The following MRPL12 variants were observed in gnomAD, a reference collection of about 807,000 sequenced individuals.
MRPL12 encodes the protein large ribosomal subunit protein bL12m.
A neutral mutation model predicts 21.1 loss-of-function variants in MRPL12; 13 were observed. That is an observed-to-expected ratio of 0.62 (90% CI 0.40 to 0.98). The LOEUF is 0.98. Ranked by LOEUF, MRPL12 falls within the 50% of genes least tolerant of loss-of-function variation. The pLI is 0.00. For synonymous variants in MRPL12, 126 were observed against 115.3 expected (o/e 1.09, Z -0.60); for missense variants, 251 against 268.6 (o/e 0.93, Z 0.46).
chr17:81,707,468 CG>C lies in MRPL12; in HGVS notation c.*230del. The C allele has an allele frequency of 1.9e-6, 1 of 531,870 alleles. No individual in the cohort carries two copies. The highest frequency in any genetic ancestry group is 2.3e-5 in the South Asian group (1 of 44,366). The allele number at this position is 531,870 out of a possible 1,614,324, so 32.9% of individuals were successfully genotyped here. A position where few individuals can be genotyped will look rare whatever the true frequency, so the allele number is the denominator to read the frequency against. ...CCGGAGGCCCACCAGGACGCGCCACCGGTGAATGTGCCTCTGGTGGCTGCTG... is the reference window on the plus strand; with the variant it reads ...CCGGAGGCCCACCAGGACGCGCCACCGTGAATGTGCCTCTGGTGGCTGCTG... On this transcript the variant is annotated 3_prime_UTR_variant, in exon 5 of 5. Transcript: ENST00000333676.
intron 3 of MRPL12, among the ~76,000 whole-genome samples, chr17:81,705,115 T>G (rs2037300762): frequency 1.3e-5 from 2 of 151,348 alleles, no homozygotes; most frequent in African/African-American, 4.9e-5. Flanking sequence ...TGGTGGCACA[T>G]GCCTGTAATC....
rs772572711 is a variant in MRPL12 at position 81,704,385 on chromosome 17, C to T, written c.216C>T (p.Ala72=). ...PKIQQLVQDI[A]SLTLLEISDL... ...TACAGCAGCTGGTCCAGGACATCGC[C>T]AGCCTCACTCTCTTGGAAATCTCAG... The change falls in exon 2 of 5, where the codon GCC becomes GCT. Residue 72 remains alanine (A), a synonymous_variant. Transcript: ENST00000333676. 40 of 1,613,466 alleles carry T rather than the reference C, an allele frequency of 2.5e-5. No homozygotes were observed. The African/African-American group carries it at 4.9e-4, about 20-fold the overall frequency.
rs527534915 is a variant in MRPL12, at chr17:81,703,545, G to C, written c.44G>C (p.Gly15Ala). 2.7e-6 allele frequency: 4 copies of C among 1,468,082 alleles called. No individual in the cohort carries two copies. In the South Asian group the frequency reaches 5.2e-5, roughly 19 times the overall value. 90.9% of individuals were successfully genotyped at this position (1,468,082 alleles called of 1,614,324 possible). Reference sequence around the variant, plus strand: ...CGCCCCCTGTGGGGGCCTTGCCTTGGGCTTCGGGCCGCTGCGTTCCGCCTT... The same window carrying C: ...CGCCCCCTGTGGGGGCCTTGCCTTGCGCTTCGGGCCGCTGCGTTCCGCCTT... ...AARPLWGPCLGLRAAAFRLAR... is the reference protein window; with the variant it reads ...AARPLWGPCLALRAAAFRLAR... The change falls in exon 1 of 5, where the codon GGG (glycine) becomes GCG (alanine). Residue 15 changes from glycine (G) to alanine (A), a missense_variant. Transcript: ENST00000333676.
At chr17:81,704,493 C>T (rs2037292478) in intron 2 of MRPL12, 63 bp downstream of exon 2, 1 of 1,586,906 alleles carries the variant, frequency 6.3e-7, no homozygotes, top group Admixed American at 1.7e-5. Context: ...TGTTTTGTTC[C>T]TGGTGTATTT....
chr17:81,707,504 C>T lies in MRPL12; in HGVS notation c.*264C>T, dbSNP rs1320947333. The T allele has an allele frequency of 4.3e-6, 2 of 464,128 alleles. No homozygotes were observed. The highest frequency in any genetic ancestry group is 7.8e-6 in the Non-Finnish European group (2 of 256,060). 28.8% of individuals were successfully genotyped at this position (464,128 alleles called of 1,614,324 possible). ...CCTCTGGTGGCTGCTGAGAAAAATA[C>T]ACTGTGCAGCTCAGTGTGTGGAGTG... On this transcript the variant is annotated 3_prime_UTR_variant, in exon 5 of 5. Coordinates refer to ENST00000333676, the MANE Select transcript of MRPL12 (RefSeq NM_002949.4).
At chr17:81,704,534 T>G in intron 2 of MRPL12, 99 bp from the exon 3 acceptor site, 1 of 1,577,862 alleles carries the variant, frequency 6.3e-7, no homozygotes, top group Non-Finnish European at 8.7e-7. Flanking sequence ...AAAAGTGTGT[T>G]TGTCCAGGTG....
chr17:81,704,373 C>T lies in MRPL12; in HGVS notation c.204C>T (p.Val68=), dbSNP rs1227924116. Residue 68 remains valine, a synonymous_variant, in exon 2 of 5, where the codon GTC becomes GTT. Coordinates refer to ENST00000333676, the MANE Select transcript of MRPL12 (RefSeq NM_002949.4). ...ACCCCCCCAAGATACAGCAGCTGGTCCAGGACATCGCCAGCCTCACTCTCT... is the reference window on the plus strand; with the variant it reads ...ACCCCCCCAAGATACAGCAGCTGGTTCAGGACATCGCCAGCCTCACTCTCT... ...KEYPPKIQQL[V]QDIASLTLLE... is the part of the protein sequence containing the mutation. 5.6e-6 allele frequency: 9 copies of T among 1,613,610 alleles called. No homozygotes were observed. The highest frequency in any genetic ancestry group is 7.6e-6 in the Non-Finnish European group (9 of 1,179,930).
In MRPL12 at chr17:81,704,695, C is replaced by T. The variant is rs772184244; in HGVS notation, c.324C>T (p.Val108=). The change falls in exon 3 of 5, where the codon GTC becomes GTT. Residue 108 remains valine (V), a synonymous_variant. Transcript: ENST00000333676. Reference sequence around the variant, plus strand: ...TGGGTGGTGTGATGTCTGGGGCTGTCCCTGCTGCAGCAGCCCAGGAGGTGA... The same window carrying T: ...TGGGTGGTGTGATGTCTGGGGCTGTTCCTGCTGCAGCAGCCCAGGAGGTGA... ...VPMGGVMSGA[V]PAAAAQEAVE... The T allele has an allele frequency of 6.8e-6, 11 of 1,613,480 alleles. No individual in the cohort carries two copies. The highest frequency in any genetic ancestry group is 1.7e-4 in the Middle Eastern group (1 of 6,058).
At chr17:81,706,791 T>TG in intron 3 of MRPL12, 115 bp from the exon 4 acceptor site, 1 of 1,294,418 alleles carries the variant, frequency 7.7e-7, no homozygotes, top group Non-Finnish European at 1.1e-6. Flanking sequence ...CAGGCTTCGC[T>TG]GGGGCCTCCG....
At chr17:81,704,873 C>G (rs1470090991) in intron 3 of MRPL12, among the ~76,000 whole-genome samples, 157 bp downstream of exon 3, 2 of 152,228 alleles carry the variant, frequency 1.3e-5, no homozygotes, top group East Asian at 3.9e-4. Context: ...TACTCCCTGC[C>G]ACGGATGTGC....
At position 81,703,442 on chromosome 17, in the gene MRPL12, G is replaced by A. The variant is rs1434226586; in HGVS notation, c.-60G>A. The A allele has an allele frequency of 7.1e-7, 1 of 1,412,132 alleles. No homozygotes were observed. The highest frequency in any genetic ancestry group is 3.0e-5 in the East Asian group (1 of 33,180). The allele number at this position is 1,412,132 out of a possible 1,614,324, so 87.5% of individuals were successfully genotyped here. The stretch of plus-strand genomic sequence containing the variant: ...CCCAGCTCGAATGCCCGGCGGCCGA[G>A]GCGGCTAGAGCGTCGCCTCCTCCCG... On this transcript the variant is annotated 5_prime_UTR_variant, in exon 1 of 5. Transcript: ENST00000333676.
chr17:81,707,219 C>T lies in MRPL12; in HGVS notation c.576C>T (p.Gly192=), dbSNP rs144790349. 7.9e-4 allele frequency: 1,266 copies of T among 1,602,120 alleles called. No individual in the cohort carries two copies. Among genetic ancestry groups the T allele is most frequent in the Non-Finnish European group, 9.8e-4 (1,146 of 1,173,348 alleles). ...TCAAGGCGGCCCTGGAGGCGGTGGG[C>T]GGCACCGTGGTTCTGGAGTAGCCTC... ...EKIKAALEAV[G]GTVVLE The change falls in exon 5 of 5, where the codon GGC becomes GGT. Residue 192 remains glycine, a synonymous_variant. Transcript: ENST00000333676.
rs2037324801 is a variant in MRPL12, at chr17:81,707,299, C to T, written c.*59C>T. On this transcript the variant is annotated 3_prime_UTR_variant, in exon 5 of 5. Coordinates refer to ENST00000333676, the MANE Select transcript of MRPL12 (RefSeq NM_002949.4). The stretch of plus-strand genomic sequence containing the variant: ...TGGGCCCCGGGCGAGGTCCCGCCCT[C>T]CCGTGGTCACTGGCTCCGCCCCCAG... 1 of 1,462,242 alleles carries T rather than the reference C, an allele frequency of 6.8e-7. No individual in the cohort carries two copies. The highest frequency in any genetic ancestry group is 9.2e-7 in the Non-Finnish European group (1 of 1,086,932). 90.6% of individuals were successfully genotyped at this position (1,462,242 alleles called of 1,614,324 possible).
intron 2 of MRPL12, 48 bp from the exon 3 acceptor site, chr17:81,704,585 C>G (rs368045545): frequency 6.2e-7 from 1 of 1,603,480 alleles, no homozygotes; most frequent in African/African-American, 1.3e-5. Flanking sequence ...TCAGTAGGTT[C>G]CGGCTGGTGT....
At chr17:81,705,465 G>A (rs1384407177) in intron 3 of MRPL12, among the ~76,000 whole-genome samples, 1 of 151,968 alleles carries the variant, frequency 6.6e-6, no homozygotes, top group African/African-American at 2.4e-5. Context: ...AGCATTGTGG[G>A]GAAAAGGAGG....
chr17:81,704,838 C>T lies in MRPL12; in HGVS notation c.345+122C>T, dbSNP rs543395055. On this transcript the variant is annotated intron_variant, in intron 3 of 4. Coordinates refer to ENST00000333676, the MANE Select transcript of MRPL12 (RefSeq NM_002949.4). ...ATTGTCTGCAGCCTGCACACCTGTG[C>T]GGCATCCTGCAGCCTCCTGGGACCT... 6 of 832,388 alleles carry T rather than the reference C, an allele frequency of 7.2e-6. No homozygotes were observed. In the East Asian group the frequency reaches 7.7e-5, roughly 11 times the overall value. The allele number at this position is 832,388 out of a possible 1,614,324, so 51.6% of individuals were successfully genotyped here. A position where few individuals can be genotyped will look rare whatever the true frequency, so the allele number is the denominator to read the frequency against.
chr17:81,705,346 A>G (rs1345802093), intron 3 of MRPL12, among the ~76,000 whole-genome samples: 6 of 149,488 alleles, frequency 4.0e-5, no homozygotes, highest in Admixed American at 6.7e-5. Flanking sequence ...AGCCAAGATC[A>G]TACTACTGCC....
chr17:81,706,418 C>G (rs1196971583), intron 3 of MRPL12, among the ~76,000 whole-genome samples: 1 of 152,126 alleles, frequency 6.6e-6, no homozygotes, highest in South Asian at 2.1e-4. Flanking sequence ...AGGGTTTCAC[C>G]ATATTGGTCA....
Position 81,704,350 on chromosome 17 carries a change from C to A in MRPL12, c.181C>A (p.Pro61Thr). The change falls in exon 2 of 5, where the codon CCC (proline) becomes ACC (threonine). Residue 61 changes from proline (P) to threonine (T), a missense_variant. Transcript: ENST00000333676. ...APLDNAPKEY[P>T]PKIQQLVQDI... is the part of the protein sequence containing the mutation. ...CCTGGATAACGCCCCCAAGGAGTAC[C>A]CCCCCAAGATACAGCAGCTGGTCCA... 2 of 1,613,566 alleles carry A rather than the reference C, an allele frequency of 1.2e-6. No homozygotes were observed. The highest frequency in any genetic ancestry group is 1.7e-6 in the Non-Finnish European group (2 of 1,179,920).
Sources: allele counts gnomAD v4.1 joint callset (sites outside exome capture counted in the v4.1 genomes callset), GRCh38; gene constraint gnomAD v4.1.1; transcripts MANE v1.5; gene names NCBI Gene and HGNC (gene_info 2026-07-23, HGNC 2026-07-21).